GRM8: variants seen among roughly 807,000 people sequenced by gnomAD.
GRM8 encodes the protein metabotropic glutamate receptor 8.
GRM8 carries 47 observed loss-of-function variants against 87.2 expected under a neutral mutation model. The observed-to-expected ratio is 0.54, with a 90% CI of 0.43 to 0.69. The LOEUF (loss-of-function observed/expected upper bound fraction) is 0.69. Among genes scored for constraint, GRM8 ranks in the 30% least tolerant of loss-of-function variants. The pLI, the probability that GRM8 is intolerant of heterozygous loss-of-function variation, is 0.00. For missense variants in GRM8, 1,019 were observed against 1,139.2 expected (o/e 0.89, Z 1.52); for synonymous variants, 396 against 404.5 (o/e 0.98, Z 0.25).
intron 7 of GRM8, among the ~76,000 whole-genome samples, chr7:126,744,664 T>C (rs1024624803): frequency 2.6e-5 from 4 of 152,030 alleles, no homozygotes; most frequent in Admixed American, 1.3e-4. Flanking sequence ...AATTAATCTT[T>C]ATCAAACAAT....
chr7:126,463,186 G>A (rs2237731), intron 9 of GRM8, among the ~76,000 whole-genome samples: 42,353 of 151,480 alleles, frequency 0.28, 6,620 homozygotes, highest in East Asian at 0.43. Context: ...GGGATGCAAA[G>A]CTATAGGATG....
At chr7:126,907,152 G>T (rs1213810184) in intron 3 of GRM8, among the ~76,000 whole-genome samples, 1 of 151,432 alleles carries the variant, frequency 6.6e-6, no homozygotes, top group Non-Finnish European at 1.5e-5. Flanking sequence ...GGAAGAAGGA[G>T]GAAGAGGAGA....
intron 2 of GRM8, among the ~76,000 whole-genome samples, chr7:127,113,103 C>T (rs1402045159): frequency 6.6e-6 from 1 of 152,152 alleles, no homozygotes; most frequent in African/African-American, 2.4e-5. Flanking sequence ...GGATCAGAGA[C>T]TTTTAGATAC....
chr7:126,976,660 T>TA (rs1811022588), intron 3 of GRM8, among the ~76,000 whole-genome samples: 1 of 152,158 alleles, frequency 6.6e-6, no homozygotes, highest in Non-Finnish European at 1.5e-5. Flanking sequence ...AAAATGGTCT[T>TA]ATGTTTCCAA....
Position 126,465,582 on chromosome 7 carries a change from T to C in GRM8, c.2431-19210A>G, listed in dbSNP as rs1027612824. Among the ~76,000 whole-genome samples the C allele has an allele frequency of 4.6e-5, 7 of 151,978 alleles. 1 individual carries two copies. In the South Asian group the frequency reaches 8.3e-4, roughly 18 times the overall value. On this transcript the variant is annotated intron_variant, in intron 9 of 10. Transcript: ENST00000339582. ...TATATTTTTAGTTATTTGATATTTA[T>C]GCTGTTGTAAATTTTATATTTTTAT...
At chr7:126,800,336 C>T (rs1270129352) in intron 6 of GRM8, among the ~76,000 whole-genome samples, 1 of 152,108 alleles carries the variant, frequency 6.6e-6, no homozygotes, top group Non-Finnish European at 1.5e-5. Context: ...TCCATCTGCA[C>T]ACCCATCAGG....
chr7:126,986,109 G>T (rs1812037976), intron 3 of GRM8, among the ~76,000 whole-genome samples: 1 of 151,952 alleles, frequency 6.6e-6, no homozygotes, highest in African/African-American at 2.4e-5. Context: ...CACTTCCTGG[G>T]CTCAAGTGAT....
intron 3 of GRM8, among the ~76,000 whole-genome samples, chr7:127,044,542 T>C (rs1818746716): frequency 6.6e-6 from 1 of 152,158 alleles, no homozygotes; most frequent in South Asian, 2.1e-4. Context: ...CAGTAGGTAC[T>C]CTTTTGAACT....
chr7:127,028,908 G>A (rs1817078544), intron 3 of GRM8, among the ~76,000 whole-genome samples: 1 of 151,992 alleles, frequency 6.6e-6, no homozygotes, highest in African/African-American at 2.4e-5. Flanking sequence ...TGCTTCTCTA[G>A]TTCTTTTAAT....
chr7:126,988,602 A>G (rs1247790743), intron 3 of GRM8, among the ~76,000 whole-genome samples: 2 of 152,216 alleles, frequency 1.3e-5, no homozygotes, highest in East Asian at 3.8e-4. Context: ...TTCTGCCAGC[A>G]AAGCCATATT....
intron 6 of GRM8, among the ~76,000 whole-genome samples, chr7:126,781,823 A>G (rs2087244735): frequency 6.6e-6 from 1 of 151,976 alleles, no homozygotes; most frequent in African/African-American, 2.4e-5. Context: ...TCAGGACATC[A>G]TCCTATTTCA....
At chr7:126,830,019 T>G (rs1039184355) in intron 6 of GRM8, among the ~76,000 whole-genome samples, 47 of 152,328 alleles carry the variant, frequency 3.1e-4, no homozygotes, top group Admixed American at 7.8e-4. Flanking sequence ...TTAAGAATGT[T>G]GAATATTGGC....
chr7:126,653,855 T>C (rs900203222), intron 7 of GRM8, among the ~76,000 whole-genome samples: 7 of 152,340 alleles, frequency 4.6e-5, no homozygotes, highest in African/African-American at 1.7e-4. Context: ...CCTGGTAATA[T>C]GCATTGTGGG....
intron 3 of GRM8, among the ~76,000 whole-genome samples, chr7:127,004,240 G>C (rs1814036233): frequency 6.6e-6 from 1 of 151,396 alleles, no homozygotes; most frequent in South Asian, 2.1e-4. Flanking sequence ...TCTAGAACCA[G>C]GTGATGAAAT....
intron 9 of GRM8, among the ~76,000 whole-genome samples, chr7:126,472,840 T>C (rs1228452871): frequency 1.3e-5 from 2 of 152,118 alleles, no homozygotes; most frequent in African/African-American, 4.8e-5. Context: ...GTCCCAGCCA[T>C]GGCTAATAGG....
chr7:126,836,664 T>C (rs1586141489), intron 6 of GRM8, among the ~76,000 whole-genome samples: 1 of 152,326 alleles, frequency 6.6e-6, no homozygotes, highest in Middle Eastern at 3.4e-3. Context: ...TCAGACTGCA[T>C]GTCACTCCTT....
intron 3 of GRM8, among the ~76,000 whole-genome samples, chr7:126,993,906 G>A (rs755870046): frequency 5.9e-5 from 9 of 152,118 alleles, no homozygotes; most frequent in Non-Finnish European, 8.8e-5. Context: ...AAAGGCAGTC[G>A]AGGACACAAG....
chr7:127,252,785 G>C lies in GRM8; in HGVS notation c.-312+12C>G, dbSNP rs1413499687. On this transcript the variant is annotated intron_variant, in intron 1 of 10. Transcript: ENST00000339582. This position sits in a 1 kb window ranked among gnomAD's most constrained non-coding sequence, Gnocchi z 4.9. Reference sequence around the variant, plus strand: ...TCGGAGCCGCTTTCTGCTGCCGGGCGGCGAGTCTTACCCTGCTCCCCGCAG... The same window carrying C: ...TCGGAGCCGCTTTCTGCTGCCGGGCCGCGAGTCTTACCCTGCTCCCCGCAG... The C allele has an allele frequency of 2.5e-5, 4 of 159,116 alleles. No individual in the cohort carries two copies. Among genetic ancestry groups the C allele is most frequent in the Non-Finnish European group, 5.5e-5 (4 of 72,092 alleles). The allele number at this position is 159,116 out of a possible 1,614,324, so 9.9% of individuals were successfully genotyped here.
At chr7:126,803,749 A>G (rs1173025793) in intron 6 of GRM8, among the ~76,000 whole-genome samples, 1 of 152,240 alleles carries the variant, frequency 6.6e-6, no homozygotes, top group Non-Finnish European at 1.5e-5. Flanking sequence ...AGTATCAAAC[A>G]GCCATGAATT....
Sources: allele counts gnomAD v4.1 joint callset (sites outside exome capture counted in the v4.1 genomes callset), GRCh38; gene constraint gnomAD v4.1.1; non-coding constraint Gnocchi (gnomAD v3.1); transcripts MANE v1.5; gene names NCBI Gene and HGNC (gene_info 2026-07-23, HGNC 2026-07-21).